Variants in ENTHD1 observed in about 807,000 individuals in gnomAD.
The protein encoded by ENTHD1 is ENTH domain-containing protein 1.
In ENTHD1, 23 loss-of-function variants were observed where a neutral mutation model predicts 39.1. The observed-to-expected ratio is 0.59, with a 90% CI of 0.42 to 0.83. The LOEUF is 0.83. Among genes scored for constraint, ENTHD1 ranks in the 40% least tolerant of loss-of-function variants. ENTHD1 has a pLI of 0.00. For synonymous variants in ENTHD1, 230 were observed against 258.2 expected (o/e 0.89, Z 1.05); for missense variants, 624 against 705.4 (o/e 0.88, Z 1.31).
intron 6 of ENTHD1, among the ~76,000 whole-genome samples, chr22:39,754,268 C>T (rs916155833): frequency 1.2e-4 from 18 of 152,212 alleles, no homozygotes; most frequent in African/African-American, 4.3e-4. Flanking sequence ...TTGCCACCCA[C>T]TGCCCTAATT....
chr22:39,765,578 A>C lies in ENTHD1; in HGVS notation c.864T>G (p.Pro288=), dbSNP rs1210621292. 2 of 1,613,072 alleles carry C rather than the reference A, an allele frequency of 1.2e-6. No homozygotes were observed. The highest frequency in any genetic ancestry group is 1.7e-6 in the Non-Finnish European group (2 of 1,179,628). Residue 288 remains proline (P), a synonymous_variant, in exon 6 of 7, where the codon CCT becomes CCG. Coordinates refer to ENST00000325157, the MANE Select transcript of ENTHD1 (RefSeq NM_152512.4). ...DAVPTLSENS[P]SGQRDVSLDK... ...CCAAACTCACATCTCTCTGCCCAGA[A>C]GGACTATTTTCTGAGAGAGTAGGCA...
rs148902604 is a variant in ENTHD1, at chr22:39,865,271, C to T, written c.350-3264G>A. Among the ~76,000 whole-genome samples, 199 of 152,126 alleles carry T rather than the reference C, an allele frequency of 1.3e-3. 1 individual carries two copies. The highest frequency in any genetic ancestry group is 3.1e-3 in the Admixed American group (48 of 15,280). On this transcript the variant is annotated intron_variant, in intron 2 of 6. Coordinates refer to ENST00000325157, the MANE Select transcript of ENTHD1 (RefSeq NM_152512.4). ...CTCCCTGAGGTAGGACTCAGCAGCA[C>T]CAGGAAGATCAGGCCACAGCAGTTC...
At chr22:39,859,151 T>C (rs944569310) in intron 3 of ENTHD1, among the ~76,000 whole-genome samples, 1 of 152,234 alleles carries the variant, frequency 6.6e-6, no homozygotes, top group Non-Finnish European at 1.5e-5. Context: ...TGCAGTTTCC[T>C]CTTCTCTCTC....
chr22:39,818,196 A>T (rs2065748856), intron 5 of ENTHD1, among the ~76,000 whole-genome samples: 1 of 152,186 alleles, frequency 6.6e-6, no homozygotes, highest in Non-Finnish European at 1.5e-5. Context: ...GAAAGACCAC[A>T]TGAAGAGGCT....
chr22:39,838,840 T>C (rs1057371072), intron 3 of ENTHD1, among the ~76,000 whole-genome samples: 2 of 152,112 alleles, frequency 1.3e-5, no homozygotes, highest in African/African-American at 4.8e-5. Flanking sequence ...AAATATTTTA[T>C]ATTAGAATAA....
At chr22:39,789,428 T>C (rs2065486543) in intron 5 of ENTHD1, among the ~76,000 whole-genome samples, 2 of 152,192 alleles carry the variant, frequency 1.3e-5, no homozygotes, top group Non-Finnish European at 2.9e-5. Context: ...AGCTGCCCTC[T>C]GTTAGGCCAT....
chr22:39,871,338 G>A (rs1357726274), intron 2 of ENTHD1, among the ~76,000 whole-genome samples: 1 of 151,926 alleles, frequency 6.6e-6, no homozygotes, highest in Non-Finnish European at 1.5e-5. Context: ...AACTAATATC[G>A]ACAGGTAACT....
chr22:39,779,503 GA>G (rs1402434926), intron 5 of ENTHD1, among the ~76,000 whole-genome samples: 2 of 149,772 alleles, frequency 1.3e-5, no homozygotes, highest in African/African-American at 4.9e-5. Context: ...TGTCTTACAA[GA>G]AATGCTAAAG....
intron 1 of ENTHD1, among the ~76,000 whole-genome samples, chr22:39,890,167 A>G (rs1280926809): frequency 6.6e-6 from 1 of 151,602 alleles, no homozygotes; most frequent in Non-Finnish European, 1.5e-5. Context: ...AATGTATTAA[A>G]TATCTGTTTA....
intron 5 of ENTHD1, among the ~76,000 whole-genome samples, chr22:39,785,736 C>T (rs1426807217): frequency 6.6e-6 from 1 of 152,150 alleles, no homozygotes; most frequent in Non-Finnish European, 1.5e-5. Context: ...TTCCGACCCC[C>T]TCCCCAATTT....
intron 5 of ENTHD1, among the ~76,000 whole-genome samples, chr22:39,771,631 A>T (rs1023357833): frequency 5.9e-5 from 9 of 152,220 alleles, no homozygotes; most frequent in African/African-American, 2.2e-4. Context: ...GAATGAGATG[A>T]ATGATGACTG....
intron 3 of ENTHD1, among the ~76,000 whole-genome samples, chr22:39,849,176 G>A (rs1231568500): frequency 6.6e-6 from 1 of 152,116 alleles, no homozygotes; most frequent in Non-Finnish European, 1.5e-5. Context: ...GGATACTCTT[G>A]AACTTTTGAT....
At chr22:39,750,077 T>A (rs1188271350) in intron 6 of ENTHD1, 1 of 185,412 alleles carries the variant, frequency 5.4e-6, no homozygotes, top group African/African-American at 2.4e-5. Context: ...AAACTGACAA[T>A]GCTTCCTTGA....
chr22:39,809,273 G>A (rs538301022), intron 5 of ENTHD1, among the ~76,000 whole-genome samples: 14 of 152,334 alleles, frequency 9.2e-5, no homozygotes, highest in Admixed American at 8.5e-4. Flanking sequence ...TAGGATATCA[G>A]AGAGTGGTCT....
At chr22:39,826,932 G>A (rs1309826275) in intron 4 of ENTHD1, among the ~76,000 whole-genome samples, 1 of 151,758 alleles carries the variant, frequency 6.6e-6, no homozygotes, top group African/African-American at 2.4e-5. Flanking sequence ...GAATGCAGTG[G>A]TATAATCTTG....
Position 39,766,019 on chromosome 22 carries a change from C to CAAAAAAAAAAAAAAAAAAAAAAAAAAA in ENTHD1, c.833-437_833-411dup, listed in dbSNP as rs11367784. Reference sequence around the variant, plus strand: ...TCTATCCTTACAGAACCCTCAGCTACAAAAAAAAAAAAAAAAAAAAAAAAA... The same window carrying CAAAAAAAAAAAAAAAAAAAAAAAAAAA: ...TCTATCCTTACAGAACCCTCAGCTACAAAAAAAAAAAAAAAAAAAAAAAAAAAAAAAAAAAAAAAAAAAAAAAAAAAA... On this transcript the variant is annotated intron_variant, in intron 5 of 6. Coordinates refer to ENST00000325157, the MANE Select transcript of ENTHD1 (RefSeq NM_152512.4). Among the ~76,000 whole-genome samples, 43 of 48,352 alleles carry CAAAAAAAAAAAAAAAAAAAAAAAAAAA rather than the reference C, an allele frequency of 8.9e-4. 1 individual carries two copies. The highest frequency in any genetic ancestry group is 1.4e-3 in the Non-Finnish European group (38 of 26,924). 31.7% of individuals were successfully genotyped at this position (48,352 alleles called of 152,430 possible).
At chr22:39,805,078 A>G (rs968115444) in intron 5 of ENTHD1, among the ~76,000 whole-genome samples, 1 of 152,206 alleles carries the variant, frequency 6.6e-6, no homozygotes, top group African/African-American at 2.4e-5. Context: ...CTGGTCATCC[A>G]TCTATCCAAC....
intron 5 of ENTHD1, among the ~76,000 whole-genome samples, chr22:39,787,380 CTTAGGTTAAAT>C (rs2065468130): frequency 6.6e-6 from 1 of 152,062 alleles, no homozygotes; most frequent in African/African-American, 2.4e-5. Context: ...TCATGTGTTT[CTTAGGTTAAAT>C]TAAAAGAGAA....
chr22:39,842,528 C>A (rs1293538135), intron 3 of ENTHD1, among the ~76,000 whole-genome samples: 4 of 152,156 alleles, frequency 2.6e-5, no homozygotes, highest in Non-Finnish European at 4.4e-5. Flanking sequence ...GTTGATCGCA[C>A]CATTCAGGAC....
Sources: allele counts gnomAD v4.1 joint callset (sites outside exome capture counted in the v4.1 genomes callset), GRCh38; gene constraint gnomAD v4.1.1; transcripts MANE v1.5; gene names NCBI Gene and HGNC (gene_info 2026-07-23, HGNC 2026-07-21).